MYLK: variants seen among roughly 807,000 people sequenced by gnomAD.
The protein encoded by MYLK is myosin light chain kinase, smooth muscle.
A neutral mutation model predicts 203.4 loss-of-function variants in MYLK; 106 were observed. That is an observed-to-expected ratio of 0.52 (90% CI 0.45 to 0.61). The LOEUF (loss-of-function observed/expected upper bound fraction) is 0.61, where lower values mean the gene tolerates loss of function less well. Ranked by LOEUF, MYLK falls within the 20% of genes least tolerant of loss-of-function variation. The probability of loss-of-function intolerance (pLI) is 0.00; values close to 1 mark genes in which losing one functional copy is unlikely to be tolerated. For synonymous variants in MYLK, 867 were observed against 959.5 expected (o/e 0.90, Z 1.78); for missense variants, 2,072 against 2,442.3 (o/e 0.85, Z 3.20).
chr3:123,816,778 C>T (rs929443129), intron 3 of MYLK, among the ~76,000 whole-genome samples: 27 of 152,192 alleles, frequency 1.8e-4, no homozygotes, highest in Non-Finnish European at 3.5e-4. Flanking sequence ...TTGGGGGGAG[C>T]AGAATTTGGG....
intron 2 of MYLK, among the ~76,000 whole-genome samples, chr3:123,843,226 A>G (rs1055075951): frequency 6.6e-6 from 1 of 152,240 alleles, no homozygotes; most frequent in African/African-American, 2.4e-5. Context: ...GATGTCAAAA[A>G]TACTGGAAAC....
At chr3:123,636,597 C>T (rs2058652210) in intron 29 of MYLK, among the ~76,000 whole-genome samples, 1 of 152,206 alleles carries the variant, frequency 6.6e-6, no homozygotes, top group Non-Finnish European at 1.5e-5. Flanking sequence ...TTAGCACTGC[C>T]CAGGCCTGGG....
chr3:123,619,987 C>A (rs1171870876), intron 32 of MYLK, among the ~76,000 whole-genome samples: 1 of 151,732 alleles, frequency 6.6e-6, no homozygotes, highest in East Asian at 1.9e-4. Context: ...AGACAAATAA[C>A]AACTTTCCCT....
At chr3:123,857,154 C>T (rs987717448) in intron 2 of MYLK, among the ~76,000 whole-genome samples, 11 of 152,026 alleles carry the variant, frequency 7.2e-5, no homozygotes, top group Admixed American at 5.9e-4. Context: ...ACAACAGGTG[C>T]TGGAGAGGAT....
chr3:123,786,970 CTT>C (rs1381845827), intron 4 of MYLK, among the ~76,000 whole-genome samples: 33 of 152,136 alleles, frequency 2.2e-4, no homozygotes, highest in Non-Finnish European at 4.9e-4. Flanking sequence ...TAACTTTTAA[CTT>C]TGTCTGAATT....
intron 16 of MYLK, among the ~76,000 whole-genome samples, chr3:123,702,883 G>T (rs2061301665): frequency 6.6e-6 from 1 of 152,174 alleles, no homozygotes; most frequent in African/African-American, 2.4e-5. Context: ...CACAGAGCTT[G>T]CTAGTGGAGG....
intron 13 of MYLK, among the ~76,000 whole-genome samples, chr3:123,717,134 T>C (rs1467413199): frequency 6.6e-6 from 1 of 152,238 alleles, no homozygotes; most frequent in South Asian, 2.1e-4. Context: ...ATTTAAGAAG[T>C]TGTCAGTGTT....
intron 3 of MYLK, among the ~76,000 whole-genome samples, chr3:123,820,632 T>TTCCTTCCCTCCTTCCTTCCTTCCTTCCC (rs2065895140): frequency 7.0e-6 from 1 of 141,888 alleles, no homozygotes; most frequent in African/African-American, 2.5e-5. Flanking sequence ...CCTTCCTTCC[T>TTCCTTCCCTCCTTCCTTCCTTCCTTCCC]TCCTTCCTTC....
intron 3 of MYLK, among the ~76,000 whole-genome samples, chr3:123,794,364 C>A (rs550653216): frequency 1.3e-5 from 2 of 152,136 alleles, no homozygotes; most frequent in South Asian, 2.1e-4. Context: ...ATGGCAAGGA[C>A]CCTGGGTGAG....
Position 123,700,038 on chromosome 3 carries a change from T to A in MYLK, c.3430A>T (p.Ile1144Phe). Residue 1144 changes from isoleucine to phenylalanine, a missense_variant, in exon 18 of 34, where the codon ATC (isoleucine) becomes TTC (phenylalanine). Ile to Phe is a conservative substitution (Grantham distance 21, BLOSUM62 0). Around this residue, in one of 3 missense-constraint regions of MYLK, gnomAD observed 865 missense variants for 1,016.0 expected, o/e 0.85. Transcript: ENST00000360304. ...CATTTACCTTCCTGGGAGAGGATGA[T>A]GAACTTGGTGGTCTTGAGGGTCTTT... is the stretch of plus-strand genomic sequence containing the variant. ...NGKTLKTTKFIILSQEGSLCS... is the reference protein window; with the variant it reads ...NGKTLKTTKFFILSQEGSLCS... The A allele has an allele frequency of 6.2e-7, 1 of 1,614,090 alleles. No individual in the cohort carries two copies. The highest frequency in any genetic ancestry group is 8.5e-7 in the Non-Finnish European group (1 of 1,179,998).
chr3:123,672,195 G>C (rs1220189443), intron 20 of MYLK, among the ~76,000 whole-genome samples: 1 of 120,954 alleles, frequency 8.3e-6, no homozygotes, highest in Non-Finnish European at 1.7e-5. Flanking sequence ...AAGAGAGACA[G>C]GGGCAGGGGG....
At chr3:123,653,483 T>G (rs2059286757) in intron 24 of MYLK, among the ~76,000 whole-genome samples, 1 of 152,206 alleles carries the variant, frequency 6.6e-6, no homozygotes, top group South Asian at 2.1e-4. Context: ...AGTAGCTTCC[T>G]GTCTGGAAGC....
At chr3:123,677,303 C>T (rs2060101808) in intron 20 of MYLK, among the ~76,000 whole-genome samples, 1 of 152,194 alleles carries the variant, frequency 6.6e-6, no homozygotes, top group South Asian at 2.1e-4. Flanking sequence ...ATCTGACTGG[C>T]AAGGAAGCCC....
At position 123,752,358 on chromosome 3, in the gene MYLK, G is replaced by A; in HGVS notation, c.346C>T (p.Gln116Ter). The stretch of plus-strand genomic sequence containing the variant: ...TCTACTGTCAACTCCACTGTCACCT[G>A]GCGAGCACCACTGCCATTGGTGGCT... Reference protein sequence around the residue: ...CEATNGSGARQVTVELTVEGS... With the variant: ...CEATNGSGAR The change falls in exon 5 of 34, where the codon CAG becomes TAG. Residue 116 changes from glutamine (Q) to a stop codon, truncating the protein, a stop_gained. Coordinates refer to ENST00000360304, the MANE Select transcript of MYLK (RefSeq NM_053025.4). LOFTEE classifies it high-confidence loss of function. The A allele has an allele frequency of 1.9e-6, 3 of 1,614,152 alleles. No individual in the cohort carries two copies. The highest frequency in any genetic ancestry group is 2.5e-6 in the Non-Finnish European group (3 of 1,180,040).
intron 3 of MYLK, among the ~76,000 whole-genome samples, chr3:123,801,399 T>C (rs1348638167): frequency 2.6e-5 from 4 of 152,250 alleles, no homozygotes; most frequent in Non-Finnish European, 5.9e-5. Flanking sequence ...TCTTTATTTT[T>C]TAACTTTTAC....
intron 2 of MYLK, among the ~76,000 whole-genome samples, chr3:123,859,081 A>T (rs985686573): frequency 1.3e-5 from 2 of 152,196 alleles, no homozygotes; most frequent in Admixed American, 1.3e-4. Flanking sequence ...ATGAATTGTT[A>T]AAAAAATTAC....
intron 20 of MYLK, among the ~76,000 whole-genome samples, chr3:123,670,431 A>G (rs1342111768): frequency 6.6e-6 from 1 of 152,136 alleles, no homozygotes; most frequent in Non-Finnish European, 1.5e-5. Flanking sequence ...ATTGGACAGC[A>G]GTGGTATGAG....
At chr3:123,664,050 G>T (rs2059653922) in intron 23 of MYLK, 55 bp downstream of exon 23, 12 of 1,611,814 alleles carry the variant, frequency 7.4e-6, no homozygotes, top group Non-Finnish European at 1.0e-5. Context: ...CTTGCCTGGG[G>T]GCTCCCTGCC....
Position 123,634,617 on chromosome 3 carries a change from GA to G in MYLK, c.4961+3453del, listed in dbSNP as rs372619736. Among the ~76,000 whole-genome samples the G allele has an allele frequency of 1.1e-3, 163 of 152,368 alleles. 4 individuals carry two copies. The South Asian group carries it at 0.033, about 31-fold the overall frequency. On this transcript the variant is annotated intron_variant, in intron 29 of 33. Transcript: ENST00000360304. ...CTGTGCTGCTGGGCCTGGTCAGGAAGAGGCAGGAGGAGGAAGCAGAGCAGCC... is the reference window on the plus strand; with the variant it reads ...CTGTGCTGCTGGGCCTGGTCAGGAAGGGCAGGAGGAGGAAGCAGAGCAGCC...
Sources: gnomAD v4.1 joint callset for allele counts (sites outside exome capture counted in the v4.1 genomes callset) on GRCh38, gnomAD v4.1.1 for gene constraint, gnomAD v4.1.1 regional missense constraint, MANE v1.5 for transcripts, NCBI Gene and HGNC (gene_info 2026-07-23, HGNC 2026-07-21) for gene names.